Variants in TMEM135 observed in about 807,000 individuals in gnomAD.
TMEM135 encodes the protein peroxisomal membrane protein 52.
In TMEM135, 30 loss-of-function variants were observed where a neutral mutation model predicts 60.3. The observed-to-expected ratio is 0.50, with a 90% CI of 0.37 to 0.68. The LOEUF is 0.68. Ranked by LOEUF, TMEM135 falls within the 30% of genes least tolerant of loss-of-function variation. The pLI, the probability that TMEM135 is intolerant of heterozygous loss-of-function variation, is 0.00. For missense variants in TMEM135, 468 were observed against 548.8 expected, an observed-to-expected ratio of 0.85 and a Z score of 1.47; for synonymous variants, 190 against 186.7, an observed-to-expected ratio of 1.02 and a Z score of -0.14.
At chr11:87,099,798 T>C (rs960280890) in intron 4 of TMEM135, among the ~76,000 whole-genome samples, 2 of 150,308 alleles carry the variant, frequency 1.3e-5, no homozygotes, top group African/African-American at 4.9e-5. Flanking sequence ...TTCTCCTGCC[T>C]CAGCTTCCTG....
chr11:87,062,738 A>G (rs1375924940), intron 1 of TMEM135, among the ~76,000 whole-genome samples: 1 of 152,022 alleles, frequency 6.6e-6, no homozygotes, highest in African/African-American at 2.4e-5. Flanking sequence ...GCTGGGATAT[A>G]AGCGTGAGCC....
intron 4 of TMEM135, among the ~76,000 whole-genome samples, chr11:87,156,744 T>C (rs1938706074): frequency 6.6e-6 from 1 of 152,220 alleles, no homozygotes; most frequent in Non-Finnish European, 1.5e-5. Context: ...GTCTCTATAT[T>C]AGTAGCAGAT....
intron 4 of TMEM135, among the ~76,000 whole-genome samples, chr11:87,137,907 T>G (rs1290928426): frequency 1.3e-5 from 2 of 152,050 alleles, no homozygotes; most frequent in Non-Finnish European, 2.9e-5. Context: ...AAACAAACCA[T>G]CTGCTTATCA....
chr11:87,203,230 T>A (rs1387808288), intron 5 of TMEM135, among the ~76,000 whole-genome samples: 1 of 152,044 alleles, frequency 6.6e-6, no homozygotes, highest in Non-Finnish European at 1.5e-5. Flanking sequence ...GTACATAGTT[T>A]ACATTAGGGT....
chr11:87,074,345 T>A (rs969874263), intron 3 of TMEM135, among the ~76,000 whole-genome samples: 4 of 152,216 alleles, frequency 2.6e-5, no homozygotes, highest in African/African-American at 9.6e-5. Context: ...GTAAGAGTTA[T>A]ATATGTGTTA....
chr11:87,141,189 T>A (rs1467889954), intron 4 of TMEM135, among the ~76,000 whole-genome samples: 1 of 152,168 alleles, frequency 6.6e-6, no homozygotes, highest in East Asian at 1.9e-4. Context: ...TTGAGGAGAT[T>A]TGATAATATT....
rs966029279 is a variant in TMEM135, at chr11:87,323,616, T to C, written c.*2283T>C. The C allele has an allele frequency of 2.2e-6, 1 of 453,932 alleles. No individual in the cohort carries two copies. Among genetic ancestry groups the C allele is most frequent in the Admixed American group, 2.4e-5 (1 of 42,542 alleles). 28.1% of individuals were successfully genotyped at this position (453,932 alleles called of 1,614,324 possible). On this transcript the variant is annotated 3_prime_UTR_variant, in exon 15 of 15. Coordinates refer to ENST00000305494, the MANE Select transcript of TMEM135 (RefSeq NM_022918.4). Reference sequence around the variant, plus strand: ...AGTAAACAATAATATGTCCCCTTAGTCTTTCTGACATTTTTATATAGATTG... The same window carrying C: ...AGTAAACAATAATATGTCCCCTTAGCCTTTCTGACATTTTTATATAGATTG...
chr11:87,055,072 A>G (rs141874377), intron 1 of TMEM135, among the ~76,000 whole-genome samples: 81 of 152,322 alleles, frequency 5.3e-4, no homozygotes, highest in Middle Eastern at 3.4e-3. Flanking sequence ...ATACGAAATT[A>G]TCTGTGGTAA....
intron 4 of TMEM135, among the ~76,000 whole-genome samples, chr11:87,150,741 A>G (rs1238046556): frequency 6.6e-6 from 1 of 151,984 alleles, no homozygotes; most frequent in Non-Finnish European, 1.5e-5. Context: ...TTTCAGTTAT[A>G]TTTTTCCCTC....
At chr11:87,156,437 C>A (rs563688) in intron 4 of TMEM135, among the ~76,000 whole-genome samples, 55,959 of 151,932 alleles carry the variant, frequency 0.37, 10,840 homozygotes, top group East Asian at 0.67. Context: ...TTGAATCTGT[C>A]GATCACTTTG....
intron 5 of TMEM135, among the ~76,000 whole-genome samples, chr11:87,204,483 G>T (rs948460937): frequency 1.5e-4 from 23 of 152,202 alleles, no homozygotes; most frequent in Middle Eastern, 6.8e-3. Flanking sequence ...AATAATTTTT[G>T]ACTCCTCAAT....
chr11:87,319,524 G>A (rs1226525175), intron 14 of TMEM135, 147 bp downstream of exon 14: 3 of 640,494 alleles, frequency 4.7e-6, no homozygotes, highest in East Asian at 5.6e-5. Context: ...TTTTGAGTGA[G>A]CATTATTCTG....
chr11:87,229,954 A>G (rs866432135), intron 5 of TMEM135, among the ~76,000 whole-genome samples: 7 of 152,066 alleles, frequency 4.6e-5, no homozygotes, highest in Admixed American at 2.0e-4. Flanking sequence ...TTTATATGCT[A>G]TAAGATTTAC....
intron 3 of TMEM135, among the ~76,000 whole-genome samples, chr11:87,073,701 T>A (rs1290457031): frequency 6.6e-6 from 1 of 151,940 alleles, no homozygotes; most frequent in Non-Finnish European, 1.5e-5. Context: ...GGAGTCTCGC[T>A]CTGTTGCCCA....
At chr11:87,203,904 A>C (rs1004166499) in intron 5 of TMEM135, among the ~76,000 whole-genome samples, 1 of 152,192 alleles carries the variant, frequency 6.6e-6, no homozygotes, top group African/African-American at 2.4e-5. Context: ...GGCCGTTCTA[A>C]TAAGTGTGTA....
chr11:87,124,817 A>G (rs1246415531), intron 4 of TMEM135, among the ~76,000 whole-genome samples: 1 of 151,164 alleles, frequency 6.6e-6, no homozygotes, highest in Non-Finnish European at 1.5e-5. Context: ...TTTCCCCTCT[A>G]TGCCTTCCTC....
chr11:87,111,524 G>T (rs1267002108), intron 4 of TMEM135, among the ~76,000 whole-genome samples: 1 of 151,684 alleles, frequency 6.6e-6, no homozygotes, highest in Admixed American at 6.6e-5. Flanking sequence ...GGTGGTGGGC[G>T]CCTGTAGTCC....
At chr11:87,262,758 G>A (rs1342336057) in intron 6 of TMEM135, among the ~76,000 whole-genome samples, 1 of 152,102 alleles carries the variant, frequency 6.6e-6, no homozygotes, top group African/African-American at 2.4e-5. Context: ...AGCCGTGAGC[G>A]GAGGGGACAA....
intron 4 of TMEM135, among the ~76,000 whole-genome samples, chr11:87,113,673 T>C (rs761666556): frequency 6.6e-6 from 1 of 152,026 alleles, no homozygotes; most frequent in Non-Finnish European, 1.5e-5. Context: ...TTAGTGTCCA[T>C]TTGACTCCTA....
Sources: allele counts gnomAD v4.1 joint callset (sites outside exome capture counted in the v4.1 genomes callset), GRCh38; gene constraint gnomAD v4.1.1; transcripts MANE v1.5; gene names NCBI Gene and HGNC (gene_info 2026-07-23, HGNC 2026-07-21).